Variants in PCDHGA5 observed in about 807,000 individuals in gnomAD.
PCDHGA5 encodes protocadherin gamma subfamily A, 5.
PCDHGA5 carries 36 observed loss-of-function variants against 56.7 expected under a neutral mutation model. The ratio of observed to expected loss-of-function variants is 0.64; its 90% confidence interval spans 0.49 to 0.84. The LOEUF (loss-of-function observed/expected upper bound fraction) is 0.84. Ranked by LOEUF, PCDHGA5 falls within the 40% of genes least tolerant of loss-of-function variation. PCDHGA5 has a pLI of 0.00. For missense variants in PCDHGA5, 1,305 were observed against 1,201.5 expected (o/e 1.09, Z -1.27); for synonymous variants, 563 against 520.2 (o/e 1.08, Z -1.12).
At chr5:141,398,421 G>A in intron 1 of PCDHGA5, 2 of 1,510,606 alleles carry the variant, frequency 1.3e-6, no homozygotes, top group Non-Finnish European at 1.8e-6. Context: ...TATGCGGGAA[G>A]AAGCCAGCTT....
intron 1 of PCDHGA5, chr5:141,398,637 T>G: frequency 6.2e-7 from 1 of 1,614,026 alleles, no homozygotes; most frequent in Non-Finnish European, 8.5e-7. Context: ...TGCAGAAGTA[T>G]AAACTCTCTC....
rs1387036035 is a variant in PCDHGA5, at chr5:141,432,158, A to G, written c.2422-62649A>G. ...CGCTTATATCCCAGAGAACAATCCC[A>G]GAGGAGTTTCCCTCGTCTCTGTGAC... is the stretch of plus-strand genomic sequence containing the variant. On this transcript the variant is annotated intron_variant, in intron 1 of 3. Coordinates refer to ENST00000518069, the MANE Select transcript of PCDHGA5 (RefSeq NM_018918.3). The surrounding 1 kb of genome is among the most constrained non-coding windows in gnomAD (Gnocchi z 6.0). The G allele has an allele frequency of 6.2e-7, 1 of 1,613,932 alleles. No individual in the cohort carries two copies. Among genetic ancestry groups the G allele is most frequent in the Non-Finnish European group, 8.5e-7 (1 of 1,180,002 alleles).
At chr5:141,422,002 G>A (rs754599902) in intron 1 of PCDHGA5, 41 of 1,609,306 alleles carry the variant, frequency 2.5e-5, no homozygotes, top group Non-Finnish European at 3.1e-5. Flanking sequence ...CATCAGCTCC[G>A]GAACTCGGGT....
intron 1 of PCDHGA5, chr5:141,398,155 C>G (rs1238092530): frequency 1.3e-5 from 19 of 1,492,684 alleles, no homozygotes; most frequent in Non-Finnish European, 1.7e-5. Flanking sequence ...GGAGCTGGGC[C>G]GGGCTGAGAG....
chr5:141,404,879 G>C (rs770577946), intron 1 of PCDHGA5: 1 of 1,613,906 alleles, frequency 6.2e-7, no homozygotes, highest in Non-Finnish European at 8.5e-7. Flanking sequence ...ACAGAGCCTT[G>C]TGGTGGCTGT....
chr5:141,483,243 ATATATCATGAGGTTTTTTTGTT>A (rs555469799), intron 1 of PCDHGA5, among the ~76,000 whole-genome samples: 11 of 151,654 alleles, frequency 7.3e-5, no homozygotes, highest in African/African-American at 2.2e-4. Context: ...ACTGATATGC[ATATATCATGAGGTTTTTTTGTT>A]TTAGAAATAT....
intron 3 of PCDHGA5, among the ~76,000 whole-genome samples, chr5:141,509,841 C>T (rs546036990): frequency 2.0e-5 from 3 of 152,326 alleles, no homozygotes; most frequent in African/African-American, 7.2e-5. Context: ...ACCTCCCATT[C>T]ACTCAGAACA....
At chr5:141,420,386 AT>A (rs2096493306) in intron 1 of PCDHGA5, 1 of 1,284,798 alleles carries the variant, frequency 7.8e-7, no homozygotes, top group African/African-American at 1.5e-5. Flanking sequence ...AGTTCGCAAA[AT>A]ATAGGTCAAA....
At chr5:141,424,120 C>A in intron 1 of PCDHGA5, 2 of 650,838 alleles carry the variant, frequency 3.1e-6, no homozygotes, top group Non-Finnish European at 3.9e-6. Context: ...AAATTTTGAT[C>A]CTGTTGATTT....
intron 2 of PCDHGA5, among the ~76,000 whole-genome samples, chr5:141,497,920 C>T (rs548251626): frequency 6.6e-6 from 1 of 152,336 alleles, no homozygotes; most frequent in East Asian, 1.9e-4. Flanking sequence ...CTCCTTCATT[C>T]ATTCAACAAA....
At chr5:141,474,671 A>G (rs2099352865) in intron 1 of PCDHGA5, among the ~76,000 whole-genome samples, 1 of 152,204 alleles carries the variant, frequency 6.6e-6, no homozygotes, top group South Asian at 2.1e-4. Context: ...TACCTAACCT[A>G]TGTGCCTACC....
intron 1 of PCDHGA5, among the ~76,000 whole-genome samples, chr5:141,437,415 G>A: frequency 6.6e-6 from 1 of 152,162 alleles, no homozygotes; most frequent in Non-Finnish European, 1.5e-5. Context: ...GAAGTATTAT[G>A]CTTTTTGAAG....
intron 1 of PCDHGA5, among the ~76,000 whole-genome samples, chr5:141,468,952 G>GT (rs34870721): frequency 0.24 from 35,946 of 151,248 alleles, 4,442 homozygotes; most frequent in Admixed American, 0.32. Flanking sequence ...TAAACCTGTG[G>GT]TTTTTTTTAC....
In PCDHGA5 at chr5:141,395,071, A is replaced by G. The variant is rs767254764; in HGVS notation, c.2421+28320A>G. 27 of 1,614,100 alleles carry G rather than the reference A, an allele frequency of 1.7e-5. No individual in the cohort carries two copies. Among genetic ancestry groups the G allele is most frequent in the East Asian group, 2.2e-5 (1 of 44,880 alleles). The stretch of plus-strand genomic sequence containing the variant: ...GAGGTACAGGCTTTCCTGCAGACCT[A>G]TTCCCAGGAAGTCTCCCTCACCGCC... On this transcript the variant is annotated intron_variant, in intron 1 of 3. Transcript: ENST00000518069.
chr5:141,404,754 A>G, intron 1 of PCDHGA5: 1 of 1,612,286 alleles, frequency 6.2e-7, no homozygotes, highest in Non-Finnish European at 8.5e-7. Flanking sequence ...TCAGGCCAGA[A>G]TGCTTGGCTC....
In PCDHGA5 at chr5:141,403,922, G is replaced by A. The variant is rs770450211; in HGVS notation, c.2421+37171G>A. ...TGAAATGGAAATACAAGCTGAAGAT[G>A]GTGGGGGATTGAAAGGGTGGACAAA... On this transcript the variant is annotated intron_variant, in intron 1 of 3. Transcript: ENST00000518069. 6.2e-6 allele frequency: 10 copies of A among 1,613,904 alleles called. No individual in the cohort carries two copies. The East Asian group carries it at 2.2e-4, about 36-fold the overall frequency.
chr5:141,489,300 C>G lies in PCDHGA5; in HGVS notation c.2422-5507C>G. The G allele has an allele frequency of 6.3e-7, 1 of 1,585,700 alleles. No individual in the cohort carries two copies. The highest frequency in any genetic ancestry group is 1.2e-5 in the South Asian group (1 of 85,012). Reference sequence around the variant, plus strand: ...AATGGCAAGTGCTGTGCATGTTGTCCTTGTGCTGCTGGGGCTGGGTGTCTG... The same window carrying G: ...AATGGCAAGTGCTGTGCATGTTGTCGTTGTGCTGCTGGGGCTGGGTGTCTG... On this transcript the variant is annotated intron_variant, in intron 1 of 3. Coordinates refer to ENST00000518069, the MANE Select transcript of PCDHGA5 (RefSeq NM_018918.3). This position sits in a 1 kb window ranked among gnomAD's most constrained non-coding sequence, Gnocchi z 4.5.
At chr5:141,398,500 G>A (rs1366423528) in intron 1 of PCDHGA5, 1 of 1,607,950 alleles carries the variant, frequency 6.2e-7, no homozygotes, top group African/African-American at 1.4e-5. Context: ...GGAGATCGAG[G>A]ACATTAATGA....
chr5:141,384,410 A>G, intron 1 of PCDHGA5: 1 of 1,613,844 alleles, frequency 6.2e-7, no homozygotes, highest in Non-Finnish European at 8.5e-7. Flanking sequence ...GTGTCCTCCT[A>G]TGTCTCCATA....
Sources: gnomAD v4.1 joint callset for allele counts (sites outside exome capture counted in the v4.1 genomes callset) on GRCh38, gnomAD v4.1.1 for gene constraint, Gnocchi (gnomAD v3.1) non-coding constraint, MANE v1.5 for transcripts, NCBI Gene and HGNC (gene_info 2026-07-23, HGNC 2026-07-21) for gene names.